The following GIGYF2 variants were observed in gnomAD, a reference collection of about 807,000 sequenced individuals.
GIGYF2 encodes GRB10 interacting GYF protein 2, also known as GRB10-interacting GYF protein 2.
A neutral mutation model predicts 208.1 loss-of-function variants in GIGYF2; 25 were observed. The ratio of observed to expected loss-of-function variants is 0.12; its 90% CI spans 0.09 to 0.17. The LOEUF (loss-of-function observed/expected upper bound fraction) is 0.17. Among genes scored for constraint, GIGYF2 ranks in the 10% least tolerant of loss-of-function variants. The probability of loss-of-function intolerance (pLI) is 1.00; values close to 1 mark genes in which losing one functional copy is unlikely to be tolerated. For missense variants in GIGYF2, 1,302 were observed against 1,579.4 expected (o/e 0.82, Z 2.98); for synonymous variants, 534 against 543.8 (o/e 0.98, Z 0.25).
intron 13 of GIGYF2, among the ~76,000 whole-genome samples, chr2:232,795,247 G>T (rs146836367): frequency 6.6e-6 from 1 of 152,250 alleles, no homozygotes; most frequent in East Asian, 1.9e-4. Context: ...AAGCAGCTGT[G>T]GATGGTCACT....
Position 232,844,057 on chromosome 2 carries a change from G to C in GIGYF2, c.2901G>C (p.Gln967His). 6.2e-7 allele frequency: 1 copy of C among 1,612,898 alleles called. No individual in the cohort carries two copies. Among genetic ancestry groups the C allele is most frequent in the Non-Finnish European group, 8.5e-7 (1 of 1,179,100 alleles). Residue 967 changes from glutamine to histidine, a missense_variant, in exon 24 of 29, where the codon CAG (glutamine) becomes CAC (histidine). Physicochemically the swap from Gln to His is conservative, Grantham distance 24 (BLOSUM62 0). This residue lies in a region of GIGYF2 where 701 missense variants were observed against 793.0 expected (regional missense o/e 0.88). Transcript: ENST00000373563. ...ERQLREEQRR[Q>H]QRELMKALQQ... is the part of the protein sequence containing the mutation. Reference sequence around the variant, plus strand: ...TTTTTATGCAACAGCAAAGGCGCCAGCAGAGGGAGTTGATGAAAGCTCTTC... The same window carrying C: ...TTTTTATGCAACAGCAAAGGCGCCACCAGAGGGAGTTGATGAAAGCTCTTC...
chr2:232,768,242 A>G lies in GIGYF2; in HGVS notation c.532+6806A>G, dbSNP rs570363677. Reference sequence around the variant, plus strand: ...TCTGAAAATTGTCAATGCTTTGTCCATTGATGTGGATATCCAGGTCAGTCC... The same window carrying G: ...TCTGAAAATTGTCAATGCTTTGTCCGTTGATGTGGATATCCAGGTCAGTCC... On this transcript the variant is annotated intron_variant, in intron 8 of 28. Coordinates refer to ENST00000373563, the MANE Select transcript of GIGYF2 (RefSeq NM_001103146.3). The G allele has an allele frequency of 2.5e-6, 4 of 1,614,094 alleles. No individual in the cohort carries two copies. The highest frequency in any genetic ancestry group is 4.5e-5 in the East Asian group (2 of 44,878).
chr2:232,827,903 T>G (rs539160303), intron 21 of GIGYF2, among the ~76,000 whole-genome samples: 13 of 152,354 alleles, frequency 8.5e-5, no homozygotes, highest in African/African-American at 2.9e-4. Context: ...TAAAGCACTT[T>G]TGAATATTTT....
chr2:232,836,184 T>C (rs1701584524), intron 22 of GIGYF2, among the ~76,000 whole-genome samples: 1 of 146,500 alleles, frequency 6.8e-6, no homozygotes, highest in Non-Finnish European at 1.5e-5. Context: ...CCCAGCACTT[T>C]GGGAGGCCGA....
intron 3 of GIGYF2, among the ~76,000 whole-genome samples, chr2:232,746,950 A>G (rs912857457): frequency 5.3e-5 from 8 of 152,158 alleles, no homozygotes; most frequent in African/African-American, 1.9e-4. Context: ...TGTATTTGTC[A>G]ATTTCATGTT....
chr2:232,843,754 G>T (rs997767524), intron 23 of GIGYF2, among the ~76,000 whole-genome samples: 18 of 152,216 alleles, frequency 1.2e-4, no homozygotes, highest in African/African-American at 4.1e-4. Context: ...TTGAACCTGG[G>T]AGGCGGAGGT....
Position 232,857,246 on chromosome 2 carries a change from C to T in GIGYF2, c.*386C>T, listed in dbSNP as rs1259406619. ...TTTTTCTTCTATTTTGTTTTTTCTT[C>T]TTCTTTTTCCCCCCATCAGGGCAAA... is the stretch of plus-strand genomic sequence containing the variant. On this transcript the variant is annotated 3_prime_UTR_variant, in exon 29 of 29. Transcript: ENST00000373563. 1 of 324,400 alleles carries T rather than the reference C, an allele frequency of 3.1e-6. No homozygotes were observed. Among genetic ancestry groups the T allele is most frequent in the Non-Finnish European group, 5.9e-6 (1 of 169,528 alleles). The allele number at this position is 324,400 out of a possible 1,614,324, so 20.1% of individuals were successfully genotyped here.
At chr2:232,700,921 TTAAAAC>T (rs1002770740) in intron 1 of GIGYF2, among the ~76,000 whole-genome samples, 13 of 152,226 alleles carry the variant, frequency 8.5e-5, no homozygotes, top group Admixed American at 8.5e-4. Context: ...TTACATCTCT[TTAAAAC>T]TAGAGATTTT....
chr2:232,719,676 A>G (rs1696852095), intron 2 of GIGYF2, among the ~76,000 whole-genome samples: 1 of 152,212 alleles, frequency 6.6e-6, no homozygotes, highest in South Asian at 2.1e-4. Flanking sequence ...TAATTATACT[A>G]ATAATCAGAT....
At chr2:232,843,781 T>A (rs1574948082) in intron 23 of GIGYF2, among the ~76,000 whole-genome samples, 1 of 152,054 alleles carries the variant, frequency 6.6e-6, no homozygotes, top group South Asian at 2.1e-4. Flanking sequence ...GGGCTGAGAG[T>A]GTGCCACTGC....
Position 232,756,562 on chromosome 2 carries a change from G to A in GIGYF2, c.379+228G>A, listed in dbSNP as rs572066384. ...TCTAGCTGTACAGATTTGAACATGA[G>A]GGAGTCTAGACAGTCCCAATTCACT... On this transcript the variant is annotated intron_variant, in intron 6 of 28. Transcript: ENST00000373563. Among the ~76,000 whole-genome samples the A allele has an allele frequency of 2.0e-5, 3 of 152,206 alleles. No individual in the cohort carries two copies. In the South Asian group the frequency reaches 6.2e-4, roughly 32 times the overall value.
chr2:232,729,635 A>G (rs998596636), intron 2 of GIGYF2: 8 of 1,113,316 alleles, frequency 7.2e-6, no homozygotes, highest in African/African-American at 4.6e-5. Context: ...TTCACAACGT[A>G]TTTGAAGTTT....
intron 28 of GIGYF2, among the ~76,000 whole-genome samples, chr2:232,856,043 GC>G (rs907410859): frequency 5.3e-5 from 8 of 151,900 alleles, no homozygotes; most frequent in Non-Finnish European, 1.0e-4. Flanking sequence ...CAATTCTTCT[GC>G]CTCAGCCTCC....
At chr2:232,724,500 C>T (rs985716904) in intron 2 of GIGYF2, 26 of 152,086 alleles carry the variant, frequency 1.7e-4, no homozygotes, top group South Asian at 6.2e-4. Flanking sequence ...AGTTAGTTTT[C>T]GAAGCCAATG....
At chr2:232,756,131 T>C in intron 5 of GIGYF2, 92 bp from the exon 6 acceptor site, 1 of 725,036 alleles carries the variant, frequency 1.4e-6, no homozygotes, top group Non-Finnish European at 2.3e-6. Context: ...AGTAGGAATG[T>C]GGGGAGAAGC....
At chr2:232,743,571 C>T (rs183368416) in intron 3 of GIGYF2, among the ~76,000 whole-genome samples, 14 of 152,274 alleles carry the variant, frequency 9.2e-5, no homozygotes, top group Admixed American at 8.5e-4. Context: ...CTGCCTTCCA[C>T]CCCCAAGTAG....
At position 232,806,823 on chromosome 2, in the gene GIGYF2, A is replaced by G. The variant is rs1383314372; in HGVS notation, c.1806+166A>G. ...ATGGAAGACTGAATACTTAGCTATAATGATCTTTTCAAAACTCGAATAACC... is the reference window on the plus strand; with the variant it reads ...ATGGAAGACTGAATACTTAGCTATAGTGATCTTTTCAAAACTCGAATAACC... On this transcript the variant is annotated intron_variant, in intron 15 of 28. Transcript: ENST00000373563. This position sits in a 1 kb window ranked among gnomAD's most constrained non-coding sequence, Gnocchi z 4.0. 6.7e-6 allele frequency among the ~76,000 whole-genome samples: 1 copy of G among 149,548 alleles called. No homozygotes were observed. Among genetic ancestry groups the G allele is most frequent in the African/African-American group, 2.4e-5 (1 of 41,302 alleles).
chr2:232,784,077 A>G (rs1409178278), intron 8 of GIGYF2, among the ~76,000 whole-genome samples: 7 of 152,222 alleles, frequency 4.6e-5, no homozygotes, highest in Non-Finnish European at 1.0e-4. Flanking sequence ...TAGCTCCCTG[A>G]AATTCAGCAT....
At chr2:232,727,406 TCCCCTTTC>T (rs891665923) in intron 2 of GIGYF2, among the ~76,000 whole-genome samples, 1 of 152,224 alleles carries the variant, frequency 6.6e-6, no homozygotes, top group Admixed American at 6.5e-5. Flanking sequence ...AAATAGCTAA[TCCCCTTTC>T]CCCACCACAT....
Sources: allele counts gnomAD v4.1 joint callset (sites outside exome capture counted in the v4.1 genomes callset), GRCh38; gene constraint gnomAD v4.1.1; regional missense constraint gnomAD v4.1.1; non-coding constraint Gnocchi (gnomAD v3.1); transcripts MANE v1.5; gene names NCBI Gene and HGNC (gene_info 2026-07-23, HGNC 2026-07-21).